GFPT1: variants seen among roughly 807,000 people sequenced by gnomAD.
The protein encoded by GFPT1 is glutamine--fructose-6-phosphate aminotransferase [isomerizing] 1.
A neutral mutation model predicts 92.0 loss-of-function variants in GFPT1; 40 were observed. The observed-to-expected ratio is 0.43, with a 90% CI of 0.34 to 0.57. The LOEUF (loss-of-function observed/expected upper bound fraction) is 0.57, where lower values mean the gene tolerates loss of function less well. GFPT1 is among the 20% of genes least tolerant of loss of function. GFPT1 has a pLI of 0.02. For synonymous variants in GFPT1, 269 were observed against 280.6 expected, an observed-to-expected ratio of 0.96 and a Z score of 0.41; for missense variants, 448 against 869.1, an observed-to-expected ratio of 0.52 and a Z score of 6.09.
At chr2:69,329,899 T>C in intron 15 of GFPT1, 101 bp from the exon 16 acceptor site, 1 of 751,160 alleles carries the variant, frequency 1.3e-6, no homozygotes, top group Non-Finnish European at 2.4e-6. Context: ...CCATTGGTTT[T>C]ACAGTATATA....
chr2:69,364,729 G>A (rs1385109628), intron 3 of GFPT1, among the ~76,000 whole-genome samples: 1 of 152,196 alleles, frequency 6.6e-6, no homozygotes, highest in Non-Finnish European at 1.5e-5. Flanking sequence ...AGATGTGGTG[G>A]CTCATGCCTG....
At chr2:69,364,396 GATACAA>G (rs1223941640) in intron 3 of GFPT1, among the ~76,000 whole-genome samples, 11 of 152,246 alleles carry the variant, frequency 7.2e-5, no homozygotes, top group African/African-American at 2.4e-4. Flanking sequence ...GTTTCCTGGA[GATACAA>G]ATACTCAAGA....
chr2:69,341,818 C>T (rs940042862), intron 13 of GFPT1, among the ~76,000 whole-genome samples: 2 of 152,182 alleles, frequency 1.3e-5, no homozygotes, highest in Admixed American at 6.5e-5. Context: ...GTGAACAATG[C>T]TAAGCAAAAC....
At chr2:69,363,758 G>A (rs1671538124) in intron 3 of GFPT1, 88 bp from the exon 4 acceptor site, 1 of 916,442 alleles carries the variant, frequency 1.1e-6, no homozygotes, top group Admixed American at 1.9e-5. Flanking sequence ...TTATTACAAT[G>A]CTGCTCTCTT....
At position 69,329,394 on chromosome 2, in the gene GFPT1, T is replaced by C. The variant is rs1404093121; in HGVS notation, c.1628A>G (p.Asp543Gly). 6.2e-7 allele frequency: 1 copy of C among 1,610,398 alleles called. No homozygotes were observed. The highest frequency in any genetic ancestry group is 1.7e-5 in the Admixed American group (1 of 60,024). The change falls in exon 17 of 20, where the codon GAC becomes GGC. Residue 543 changes from aspartate to glycine, a missense_variant. By Grantham distance (94) the Asp-to-Gly change is moderately conservative. Around this residue, in one of 7 missense-constraint regions of GFPT1, gnomAD observed 73 missense variants for 103.5 expected, o/e 0.71. Transcript: ENST00000357308. ...TTCTGTTGCTAGTTTCTGAATTTCG[T>C]CATCCATGCTCAGTACTTCCTTAAT... ...DLIKEVLSMD[D>G]EIQKLATELY...
At chr2:69,376,014 T>G (rs1277417153) in intron 1 of GFPT1, among the ~76,000 whole-genome samples, 1 of 152,358 alleles carries the variant, frequency 6.6e-6, no homozygotes, top group Non-Finnish European at 1.5e-5. Context: ...GGGGTTTTTG[T>G]TGCTACTGCT....
rs981121954 is a variant in GFPT1, at chr2:69,324,179, C to T, written c.*2010G>A. ...TTGGTTTTTGATATTCAGTTTAGAACTTACCCTAGCTTTCAGTATATTTGT... is the reference window on the plus strand; with the variant it reads ...TTGGTTTTTGATATTCAGTTTAGAATTTACCCTAGCTTTCAGTATATTTGT... On this transcript the variant is annotated 3_prime_UTR_variant, in exon 20 of 20. Transcript: ENST00000357308. 1.3e-5 allele frequency: 2 copies of T among 152,148 alleles called. No homozygotes were observed. The highest frequency in any genetic ancestry group is 1.3e-4 in the Admixed American group (2 of 15,268). The allele number at this position is 152,148 out of a possible 1,614,324, so 9.4% of individuals were successfully genotyped here.
chr2:69,337,157 C>T (rs1670821179), intron 15 of GFPT1, among the ~76,000 whole-genome samples: 1 of 150,860 alleles, frequency 6.6e-6, no homozygotes, highest in Non-Finnish European at 1.5e-5. Flanking sequence ...CTCCACCTCC[C>T]AGGTTCAAGT....
rs1574039386 is a variant in GFPT1 at position 69,327,195 on chromosome 2, T to G, written c.1894-120A>C. 2.3e-5 allele frequency: 19 copies of G among 813,876 alleles called. No homozygotes were observed. In the East Asian group the frequency reaches 4.9e-4, roughly 21 times the overall value. The allele number at this position is 813,876 out of a possible 1,614,324, so 50.4% of individuals were successfully genotyped here. A position where few individuals can be genotyped will look rare whatever the true frequency, so the allele number is the denominator to read the frequency against. On this transcript the variant is annotated intron_variant, in intron 18 of 19. Coordinates refer to ENST00000357308, the MANE Select transcript of GFPT1 (RefSeq NM_001244710.2). ...TATGAAGCCTCACGGACAGACTTCT[T>G]TAAATTCCTGTGTAGTAAATCTGAT...
rs1416353587 is a variant in GFPT1, at chr2:69,374,112, A to T, written c.9T>A (p.Gly3=). Residue 3 remains glycine, a splice_region_variant and synonymous_variant, in exon 2 of 20, where the codon GGT becomes GGA. Coordinates refer to ENST00000357308, the MANE Select transcript of GFPT1 (RefSeq NM_001244710.2). MC[G]IFAYLNYHVP... ...CATGGTAGTTTAAGTAAGCAAATAT[A>T]CCTGCAAATAAACAAATATTTAATG... 1 of 1,402,988 alleles carries T rather than the reference A, an allele frequency of 7.1e-7. No homozygotes were observed. The highest frequency in any genetic ancestry group is 1.0e-6 in the Non-Finnish European group (1 of 990,868). The allele number at this position is 1,402,988 out of a possible 1,614,324, so 86.9% of individuals were successfully genotyped here. A position where few individuals can be genotyped will look rare whatever the true frequency, so the allele number is the denominator to read the frequency against.
chr2:69,373,962 A>G, intron 2 of GFPT1, 44 bp downstream of exon 2: 1 of 906,530 alleles, frequency 1.1e-6, no homozygotes, highest in South Asian at 1.3e-5. Flanking sequence ...AATAGTATCT[A>G]TTTAAAGAAT....
intron 13 of GFPT1, 82 bp from the exon 14 acceptor site, chr2:69,338,647 T>C: frequency 6.9e-7 from 1 of 1,450,412 alleles, no homozygotes; most frequent in Non-Finnish European, 9.7e-7. Flanking sequence ...ATGTATAGTT[T>C]TTGCTTTTTC....
At chr2:69,331,012 C>CTAA (rs1165040750) in intron 15 of GFPT1, among the ~76,000 whole-genome samples, 1 of 152,154 alleles carries the variant, frequency 6.6e-6, no homozygotes, top group Admixed American at 6.5e-5. Context: ...ACAGCTTGAA[C>CTAA]TAAAAGACAA....
Position 69,323,729 on chromosome 2 carries a change from G to A in GFPT1, c.*2460C>T, listed in dbSNP as rs1661267170. On this transcript the variant is annotated 3_prime_UTR_variant, in exon 20 of 20. Transcript: ENST00000357308. ...TCTTGCTCTGTCGCCAGGCTGGAGT[G>A]TAGTGGCGTGATCTCGCCTCACTGC... 1 of 148,958 alleles carries A rather than the reference G, an allele frequency of 6.7e-6. No individual in the cohort carries two copies. The highest frequency in any genetic ancestry group is 1.5e-5 in the Non-Finnish European group (1 of 67,714). 9.2% of individuals were successfully genotyped at this position (148,958 alleles called of 1,614,324 possible). A position where few individuals can be genotyped will look rare whatever the true frequency, so the allele number is the denominator to read the frequency against.
rs1671410569 is a variant in GFPT1, at chr2:69,359,184, T to C, written c.408+84A>G. ...TAATTGATGACACACATATGGTGTT[T>C]GTTGCACATCCCAACAACCGACCCC... On this transcript the variant is annotated intron_variant, in intron 5 of 19. Transcript: ENST00000357308. 3 of 787,202 alleles carry C rather than the reference T, an allele frequency of 3.8e-6. No individual in the cohort carries two copies. In the Admixed American group the frequency reaches 5.1e-5, roughly 13 times the overall value. 48.8% of individuals were successfully genotyped at this position (787,202 alleles called of 1,614,324 possible).
chr2:69,340,645 T>TAA lies in GFPT1; in HGVS notation c.1203+1505_1203+1506dup, dbSNP rs572692794. Reference sequence around the variant, plus strand: ...AGTCAGTTATTCAGGATATAGATACTAAAAAAAAAACATGTAAATGTGTCA... The same window carrying TAA: ...AGTCAGTTATTCAGGATATAGATACTAAAAAAAAAAAACATGTAAATGTGTCA... On this transcript the variant is annotated intron_variant, in intron 13 of 19. Transcript: ENST00000357308. Among the ~76,000 whole-genome samples the TAA allele has an allele frequency of 1.7e-3, 251 of 147,200 alleles. 1 individual carries two copies. Among genetic ancestry groups the TAA allele is most frequent in the African/African-American group, 6.0e-3 (242 of 40,286 alleles).
At position 69,362,594 on chromosome 2, in the gene GFPT1, G is replaced by A. The variant is rs186721793; in HGVS notation, c.349+951C>T. ...GGGCGGATCACAAGGTCAGGAGATCGAGACCATCCTGGCTAATACAGTGAA... is the reference window on the plus strand; with the variant it reads ...GGGCGGATCACAAGGTCAGGAGATCAAGACCATCCTGGCTAATACAGTGAA... On this transcript the variant is annotated intron_variant, in intron 4 of 19. Coordinates refer to ENST00000357308, the MANE Select transcript of GFPT1 (RefSeq NM_001244710.2). Among the ~76,000 whole-genome samples the A allele has an allele frequency of 3.4e-4, 52 of 151,972 alleles. No homozygotes were observed. In the East Asian group the frequency reaches 9.6e-3, roughly 28 times the overall value.
In GFPT1 at chr2:69,324,005, A is replaced by C. The variant is rs1215102388; in HGVS notation, c.*2184T>G. 1.3e-5 allele frequency: 2 copies of C among 152,138 alleles called. No homozygotes were observed. Among genetic ancestry groups the C allele is most frequent in the Non-Finnish European group, 2.9e-5 (2 of 68,092 alleles). The allele number at this position is 152,138 out of a possible 1,614,324, so 9.4% of individuals were successfully genotyped here. On this transcript the variant is annotated 3_prime_UTR_variant, in exon 20 of 20. Transcript: ENST00000357308. ...ATTTTTGTAAAGACCAGGTCTCACC[A>C]TGTTGCCCAGGCTGTTCTCCAACTC...
Position 69,370,016 on chromosome 2 carries a change from C to T in GFPT1, c.208G>A (p.Asp70Asn), listed in dbSNP as rs1312055197. The change falls in exon 3 of 20, where the codon GAT (aspartate) becomes AAT (asparagine). Residue 70 changes from aspartate (D) to asparagine (N), a missense_variant. Transcript: ENST00000357308. ...AGTACGTTACTGTGAACTTCTTCAT[C>T]CAGTGCCTTAACTTTTCCTTTCTTC... ...IKKKGKVKAL[D>N]EEVHKQQDMD... The T allele has an allele frequency of 6.3e-7, 1 of 1,580,002 alleles. No homozygotes were observed.
Sources: allele counts gnomAD v4.1 joint callset (sites outside exome capture counted in the v4.1 genomes callset), GRCh38; gene constraint gnomAD v4.1.1; regional missense constraint gnomAD v4.1.1; transcripts MANE v1.5; gene names NCBI Gene and HGNC (gene_info 2026-07-23, HGNC 2026-07-21).